PRMT3: variants seen among roughly 807,000 people sequenced by gnomAD.
The protein encoded by PRMT3 is protein arginine N-methyltransferase 3.
In PRMT3, 62 loss-of-function variants were observed where a neutral mutation model predicts 71.9. The ratio of observed to expected loss-of-function variants is 0.86; its 90% CI spans 0.70 to 1.07. The LOEUF is 1.07. PRMT3 is among the 50% of genes least tolerant of loss of function. PRMT3 has a pLI of 0.00. For synonymous variants in PRMT3, 213 were observed against 220.4 expected (o/e 0.97, Z 0.30); for missense variants, 663 against 643.0 (o/e 1.03, Z -0.34).
chr11:20,492,185 ATATTG>A (rs377739467), intron 13 of PRMT3, among the ~76,000 whole-genome samples: 77 of 152,294 alleles, frequency 5.1e-4, no homozygotes, highest in African/African-American at 1.8e-3. Context: ...TGCTCATCAA[ATATTG>A]TATTGTATTG....
rs115219694 is a variant in PRMT3, at chr11:20,482,619, T to G, written c.1348-11300T>G. The stretch of plus-strand genomic sequence containing the variant: ...GAGTTGGACCAGGTATTTTCCTTTT[T>G]GATTCAGCCGGTTACCCATGGAGTA... On this transcript the variant is annotated intron_variant, in intron 13 of 15. Coordinates refer to ENST00000331079, the MANE Select transcript of PRMT3 (RefSeq NM_005788.4). 5.9e-3 allele frequency among the ~76,000 whole-genome samples: 904 copies of G among 152,182 alleles called. 11 individuals are homozygous for G. The highest frequency in any genetic ancestry group is 0.021 in the African/African-American group (855 of 41,534).
intron 15 of PRMT3, among the ~76,000 whole-genome samples, chr11:20,505,680 G>T (rs1313456869): frequency 6.6e-6 from 1 of 152,020 alleles, no homozygotes; most frequent in Non-Finnish European, 1.5e-5. Flanking sequence ...AAATAAAATA[G>T]CCAAAATAGA....
At chr11:20,407,047 AT>A (rs1849086953) in intron 8 of PRMT3, 1 of 152,162 alleles carries the variant, frequency 6.6e-6, no homozygotes, top group South Asian at 2.1e-4. Context: ...TTATAAGGTA[AT>A]TTGTTAGCAC....
chr11:20,471,943 A>G lies in PRMT3; in HGVS notation c.1347+7397A>G, dbSNP rs1010125803. 9.3e-5 allele frequency among the ~76,000 whole-genome samples: 14 copies of G among 150,476 alleles called. 1 individual carries two copies. The highest frequency in any genetic ancestry group is 2.9e-4 in the African/African-American group (12 of 40,998). On this transcript the variant is annotated intron_variant, in intron 13 of 15. Transcript: ENST00000331079. ...TCCCTCGTTAGCAGTATTCCTAGGTATTTTTTTTTGTAGCAATTGTGAATG... is the reference window on the plus strand; with the variant it reads ...TCCCTCGTTAGCAGTATTCCTAGGTGTTTTTTTTTGTAGCAATTGTGAATG...
At chr11:20,389,320 G>A (rs1219268445) in intron 2 of PRMT3, among the ~76,000 whole-genome samples, 1 of 152,160 alleles carries the variant, frequency 6.6e-6, no homozygotes, top group African/African-American at 2.4e-5. Context: ...TACATTTTAT[G>A]CTTTATTTCT....
chr11:20,428,021 C>T (rs1163518634), intron 10 of PRMT3, among the ~76,000 whole-genome samples: 3 of 150,382 alleles, frequency 2.0e-5, no homozygotes, highest in East Asian at 2.0e-4. Flanking sequence ...TAGGGAGTTC[C>T]AGTCTAGAGC....
intron 13 of PRMT3, among the ~76,000 whole-genome samples, chr11:20,472,310 C>A (rs1850665878): frequency 6.6e-6 from 1 of 151,940 alleles, no homozygotes; most frequent in Admixed American, 6.6e-5. Context: ...ACCTGTTGCC[C>A]ATTCAGTGTG....
chr11:20,477,835 A>G (rs186171390), intron 13 of PRMT3, among the ~76,000 whole-genome samples: 5 of 133,900 alleles, frequency 3.7e-5, no homozygotes, highest in Non-Finnish European at 8.0e-5. Flanking sequence ...TTGCAGCACA[A>G]CCACCAGCTT....
chr11:20,485,619 C>G (rs1851053734), intron 13 of PRMT3, among the ~76,000 whole-genome samples: 1 of 151,174 alleles, frequency 6.6e-6, no homozygotes, highest in South Asian at 2.1e-4. Flanking sequence ...GATTTTAGGG[C>G]AGAAGAAAAT....
intron 13 of PRMT3, among the ~76,000 whole-genome samples, chr11:20,476,713 C>A (rs1850795393): frequency 6.6e-6 from 1 of 151,564 alleles, no homozygotes; most frequent in Admixed American, 6.6e-5. Context: ...ATTTTTATTT[C>A]AGATATCTTT....
At chr11:20,404,320 G>A (rs1349278927) in intron 8 of PRMT3, among the ~76,000 whole-genome samples, 2 of 134,328 alleles carry the variant, frequency 1.5e-5, no homozygotes, top group African/African-American at 2.8e-5. Flanking sequence ...TGCAACCTCC[G>A]CCTCCTGGGT....
At chr11:20,503,480 G>A (rs1281985010) in intron 15 of PRMT3, among the ~76,000 whole-genome samples, 1 of 152,080 alleles carries the variant, frequency 6.6e-6, no homozygotes, top group Non-Finnish European at 1.5e-5. Context: ...ACTCCAAAAA[G>A]TTTCTTCTGC....
At chr11:20,397,408 C>G (rs1026001197) in intron 6 of PRMT3, among the ~76,000 whole-genome samples, 169 bp from the exon 7 acceptor site, 1 of 152,096 alleles carries the variant, frequency 6.6e-6, no homozygotes, top group African/African-American at 2.4e-5. Context: ...TGAATATTGC[C>G]ATTGCTTCAG....
chr11:20,477,595 A>G (rs1445669858), intron 13 of PRMT3, among the ~76,000 whole-genome samples: 3 of 152,048 alleles, frequency 2.0e-5, no homozygotes, highest in Non-Finnish European at 4.4e-5. Flanking sequence ...ATAGTGAGTC[A>G]TCTGTTCTTG....
chr11:20,484,740 T>G (rs1190174780), intron 13 of PRMT3, among the ~76,000 whole-genome samples: 1 of 152,094 alleles, frequency 6.6e-6, no homozygotes, highest in Non-Finnish European at 1.5e-5. Context: ...TAGGGGGCCT[T>G]AGGTAGGAAA....
intron 10 of PRMT3, among the ~76,000 whole-genome samples, chr11:20,444,481 A>G (rs181870873): frequency 9.2e-5 from 14 of 152,304 alleles, no homozygotes; most frequent in Admixed American, 5.2e-4. Flanking sequence ...ATTCAATTCA[A>G]AATACACCCT....
chr11:20,466,855 T>C (rs1313376179), intron 13 of PRMT3, among the ~76,000 whole-genome samples: 1 of 152,200 alleles, frequency 6.6e-6, no homozygotes, highest in African/African-American at 2.4e-5. Flanking sequence ...AAGTATCAAA[T>C]AGTTACTTGC....
chr11:20,470,730 T>A (rs1850623333), intron 13 of PRMT3, among the ~76,000 whole-genome samples: 1 of 152,158 alleles, frequency 6.6e-6, no homozygotes, highest in South Asian at 2.1e-4. Flanking sequence ...ATAATTGAAT[T>A]ATTTATATTA....
Position 20,387,972 on chromosome 11 carries a change from C to T in PRMT3, c.29-47C>T. ...GTCACCTGCTCCTCGAGCCCCCGGGCCGCACCGGTGTCCGAGGCCGATCTG... is the reference window on the plus strand; with the variant it reads ...GTCACCTGCTCCTCGAGCCCCCGGGTCGCACCGGTGTCCGAGGCCGATCTG... On this transcript the variant is annotated intron_variant, in intron 1 of 15. Coordinates refer to ENST00000331079, the MANE Select transcript of PRMT3 (RefSeq NM_005788.4). This position sits in a 1 kb window ranked among gnomAD's most constrained non-coding sequence, Gnocchi z 4.3. 6.2e-7 allele frequency: 1 copy of T among 1,611,138 alleles called. No homozygotes were observed. Among genetic ancestry groups the T allele is most frequent in the South Asian group, 1.1e-5 (1 of 90,928 alleles).
Sources: allele counts gnomAD v4.1 joint callset (sites outside exome capture counted in the v4.1 genomes callset), GRCh38; gene constraint gnomAD v4.1.1; non-coding constraint Gnocchi (gnomAD v3.1); transcripts MANE v1.5; gene names NCBI Gene and HGNC (gene_info 2026-07-23, HGNC 2026-07-21).